Variants in LARGE1 observed in about 807,000 individuals in gnomAD.
LARGE1 encodes xylosyl- and glucuronyltransferase LARGE1.
In LARGE1, 43 loss-of-function variants were observed where a neutral mutation model predicts 87.6. The ratio of observed to expected loss-of-function variants is 0.49; its 90% CI spans 0.38 to 0.63. The LOEUF (loss-of-function observed/expected upper bound fraction) is 0.63, where lower values mean the gene tolerates loss of function less well. LARGE1 is among the 30% of genes least tolerant of loss of function. The pLI, the probability that LARGE1 is intolerant of heterozygous loss-of-function variation, is 0.00. For synonymous variants in LARGE1, 434 were observed against 394.6 expected, an observed-to-expected ratio of 1.10 and a Z score of -1.18; for missense variants, 802 against 1,000.2, an observed-to-expected ratio of 0.80 and a Z score of 2.67.
intron 14 of LARGE1, 138 bp from the exon 15 acceptor site, chr22:33,274,762 C>T (rs1165861303): frequency 1.8e-5 from 14 of 788,754 alleles, no homozygotes; most frequent in Non-Finnish European, 3.1e-5. Flanking sequence ...AAGGACAGCA[C>T]AACAGCTTTG....
chr22:33,734,844 A>T (rs555778868), intron 2 of LARGE1, among the ~76,000 whole-genome samples: 1 of 152,188 alleles, frequency 6.6e-6, no homozygotes, highest in East Asian at 1.9e-4. Context: ...AGGCAAAAGG[A>T]AACATCTTCC....
In LARGE1 at chr22:33,274,365, C is replaced by T; in HGVS notation, c.*62G>A. The T allele has an allele frequency of 1.3e-6, 2 of 1,543,846 alleles. No homozygotes were observed. Among genetic ancestry groups the T allele is most frequent in the Non-Finnish European group, 9.0e-7 (1 of 1,116,158 alleles). On this transcript the variant is annotated 3_prime_UTR_variant, in exon 15 of 15. Coordinates refer to ENST00000397394, the MANE Select transcript of LARGE1 (RefSeq NM_133642.5). ...TCAATTTTGAATTTGAAGGCCGGGC[C>T]CCAAACAGCGAGTGGCACTTCCCCT...
intron 1 of LARGE1, among the ~76,000 whole-genome samples, chr22:33,853,671 T>C (rs2063674235): frequency 1.3e-5 from 2 of 152,202 alleles, no homozygotes; most frequent in South Asian, 2.1e-4. Flanking sequence ...ATGCCGAAGA[T>C]AGCAAGGATA....
At chr22:33,708,282 T>G (rs964332045) in intron 2 of LARGE1, among the ~76,000 whole-genome samples, 2 of 151,982 alleles carry the variant, frequency 1.3e-5, no homozygotes, top group Non-Finnish European at 2.9e-5. Flanking sequence ...AAGAAAAATC[T>G]AAGGGATATG....
At chr22:33,676,963 A>G (rs766459674) in intron 2 of LARGE1, among the ~76,000 whole-genome samples, 3 of 152,238 alleles carry the variant, frequency 2.0e-5, no homozygotes, top group Non-Finnish European at 4.4e-5. Context: ...AGGAAAATTA[A>G]AATGTTTCCA....
chr22:33,405,005 G>A (rs773530346), intron 7 of LARGE1, among the ~76,000 whole-genome samples: 5 of 152,226 alleles, frequency 3.3e-5, no homozygotes, highest in Non-Finnish European at 5.9e-5. Flanking sequence ...GGGTAGTGGG[G>A]AAGAGGAGCA....
chr22:33,544,782 C>T (rs2077309048), intron 6 of LARGE1, among the ~76,000 whole-genome samples: 4 of 152,152 alleles, frequency 2.6e-5, no homozygotes, highest in Admixed American at 2.6e-4. Context: ...ATTGGTTCAG[C>T]TTGGGTCACA....
chr22:33,760,281 C>T (rs1410839762), intron 2 of LARGE1, among the ~76,000 whole-genome samples: 1 of 152,182 alleles, frequency 6.6e-6, no homozygotes, highest in Non-Finnish European at 1.5e-5. Context: ...CAAAACATTG[C>T]ACTGTATTTG....
chr22:33,083,025 C>CAAAATA, the LARGE1 span, among the ~76,000 whole-genome samples: 75 of 151,996 alleles, frequency 4.9e-4, no homozygotes, highest in East Asian at 9.3e-3. Flanking sequence ...GACTCCGTCT[C>CAAAATA]AAAATAAAAA....
chr22:33,437,082 G>A (rs187015446), intron 6 of LARGE1, among the ~76,000 whole-genome samples: 67 of 152,198 alleles, frequency 4.4e-4, no homozygotes, highest in Non-Finnish European at 7.6e-4. Flanking sequence ...TTCTGGCCAC[G>A]GGGTCTAGTA....
intron 2 of LARGE1, among the ~76,000 whole-genome samples, chr22:33,657,913 TCTCA>T (rs965077192): frequency 8.6e-5 from 13 of 151,836 alleles, no homozygotes; most frequent in Middle Eastern, 3.4e-3. Flanking sequence ...AAGTGGGTAT[TCTCA>T]CTATTTCCAT....
intron 1 of LARGE1, among the ~76,000 whole-genome samples, chr22:33,794,202 T>C (rs901609476): frequency 1.3e-4 from 20 of 152,098 alleles, no homozygotes; most frequent in African/African-American, 4.8e-4. Context: ...TTGTGAATAA[T>C]TTGCAAATGC....
intron 1 of LARGE1, among the ~76,000 whole-genome samples, chr22:33,850,155 T>C (rs2063547042): frequency 1.3e-5 from 2 of 152,074 alleles, no homozygotes; most frequent in Non-Finnish European, 2.9e-5. Context: ...AGGAGAAAAG[T>C]CCTATTCACT....
At chr22:33,552,922 G>T (rs771670143) in intron 6 of LARGE1, among the ~76,000 whole-genome samples, 4 of 152,114 alleles carry the variant, frequency 2.6e-5, no homozygotes, top group Non-Finnish European at 5.9e-5. Flanking sequence ...AAGCTGAATT[G>T]CGAAGTGCCT....
At chr22:33,762,395 A>G (rs766071981) in intron 1 of LARGE1, among the ~76,000 whole-genome samples, 1 of 152,082 alleles carries the variant, frequency 6.6e-6, no homozygotes, top group African/African-American at 2.4e-5. Flanking sequence ...ATGGCAGAAC[A>G]GTTCCAGCAT....
chr22:33,772,639 C>A (rs2085106121), intron 1 of LARGE1, among the ~76,000 whole-genome samples: 1 of 152,054 alleles, frequency 6.6e-6, no homozygotes, highest in South Asian at 2.1e-4. Context: ...GCCTCAGTAG[C>A]CCCCTCCCCA....
intron 11 of LARGE1, among the ~76,000 whole-genome samples, chr22:33,246,113 T>C (rs140224034): frequency 1.5e-3 from 232 of 152,324 alleles, no homozygotes; most frequent in African/African-American, 5.3e-3. Flanking sequence ...AGCAACCTCT[T>C]TGGACATCCA....
chr22:33,729,169 A>G (rs1444830130), intron 2 of LARGE1, among the ~76,000 whole-genome samples: 6 of 152,342 alleles, frequency 3.9e-5, no homozygotes, highest in African/African-American at 1.4e-4. Context: ...TTAACTTACA[A>G]TTAAAACACA....
chr22:33,847,506 A>G (rs1286168187), intron 1 of LARGE1, among the ~76,000 whole-genome samples: 1 of 152,228 alleles, frequency 6.6e-6, no homozygotes, highest in Admixed American at 6.5e-5. Context: ...TGGTAACAAT[A>G]TTGAGTATAG....
Sources: allele counts gnomAD v4.1 joint callset (sites outside exome capture counted in the v4.1 genomes callset), GRCh38; gene constraint gnomAD v4.1.1; transcripts MANE v1.5; gene names NCBI Gene and HGNC (gene_info 2026-07-23, HGNC 2026-07-21).